The following ZNF236 variants were observed in gnomAD, a reference collection of about 807,000 sequenced individuals.
ZNF236 encodes zinc finger protein 236, also known as regulated by glucose.
In ZNF236, 50 loss-of-function variants were observed where a neutral mutation model predicts 191.2. That is an observed-to-expected ratio of 0.26 (90% confidence interval 0.21 to 0.33). ZNF236 has a LOEUF of 0.33. ZNF236 is among the 10% of genes least tolerant of loss of function. The pLI is 1.00. For synonymous variants in ZNF236, 907 were observed against 928.8 expected (o/e 0.98, Z 0.43); for missense variants, 1,754 against 2,374.5 (o/e 0.74, Z 5.43).
At chr18:76,955,788 A>G (rs923852618) in intron 27 of ZNF236, among the ~76,000 whole-genome samples, 197 bp from the exon 28 acceptor site, 1 of 152,210 alleles carries the variant, frequency 6.6e-6, no homozygotes, top group Non-Finnish European at 1.5e-5. Context: ...TCAATCTTGC[A>G]GGACACAGTG....
At chr18:76,857,331 T>TG (rs11378838) in intron 3 of ZNF236, among the ~76,000 whole-genome samples, 67,406 of 151,796 alleles carry the variant, frequency 0.44, 15,210 homozygotes, top group African/African-American at 0.53. Flanking sequence ...GCCCTCAGGG[T>TG]TCCACATTTC....
At chr18:76,921,017 C>A (rs576789772) in intron 20 of ZNF236, among the ~76,000 whole-genome samples, 1 of 152,098 alleles carries the variant, frequency 6.6e-6, no homozygotes, top group South Asian at 2.1e-4. Context: ...TAAAACAAAC[C>A]GTGAAGATTT....
intron 1 of ZNF236, among the ~76,000 whole-genome samples, chr18:76,847,032 A>T (rs1975706833): frequency 6.6e-6 from 1 of 152,118 alleles, no homozygotes; most frequent in Non-Finnish European, 1.5e-5. Flanking sequence ...ACCTCTGGTG[A>T]TCCACCCACC....
chr18:76,912,616 T>A (rs1291037351), intron 17 of ZNF236, among the ~76,000 whole-genome samples: 2 of 152,234 alleles, frequency 1.3e-5, no homozygotes, highest in African/African-American at 4.8e-5. Flanking sequence ...CAGCTTCCCG[T>A]CACTGTTTTA....
intron 3 of ZNF236, among the ~76,000 whole-genome samples, chr18:76,860,538 C>T (rs1976186160): frequency 6.6e-6 from 1 of 152,232 alleles, no homozygotes; most frequent in Non-Finnish European, 1.5e-5. Flanking sequence ...TCACTTCCCA[C>T]AGTGGTGCTC....
chr18:76,968,423 C>T lies in ZNF236; in HGVS notation c.*84C>T. On this transcript the variant is annotated 3_prime_UTR_variant, in exon 31 of 31. Coordinates refer to ENST00000320610, the MANE Select transcript of ZNF236 (RefSeq NM_001306089.2). ...AGCACTTGGAATCTCCGTTTTAAAG[C>T]TTCAAGTGTTAAAAATGCTACAATA... 1 of 1,531,770 alleles carries T rather than the reference C, an allele frequency of 6.5e-7. No homozygotes were observed. The highest frequency in any genetic ancestry group is 8.7e-7 in the Non-Finnish European group (1 of 1,154,004). The allele number at this position is 1,531,770 out of a possible 1,614,324, so 94.9% of individuals were successfully genotyped here.
At chr18:76,895,850 C>G (rs1217233979) in intron 10 of ZNF236, among the ~76,000 whole-genome samples, 2 of 147,320 alleles carry the variant, frequency 1.4e-5, no homozygotes. Context: ...AGGGACTGCA[C>G]ACAGTATCAC....
intron 4 of ZNF236, among the ~76,000 whole-genome samples, chr18:76,869,354 G>A (rs1473314125): frequency 6.6e-6 from 1 of 152,180 alleles, no homozygotes; most frequent in East Asian, 1.9e-4. Context: ...GAGGAACCAA[G>A]TAGTTCTATG....
chr18:76,902,082 C>T (rs991584124), intron 11 of ZNF236, among the ~76,000 whole-genome samples: 4 of 152,148 alleles, frequency 2.6e-5, no homozygotes, highest in Non-Finnish European at 4.4e-5. Flanking sequence ...TTGTTGGCTT[C>T]GCAGATACTT....
At chr18:76,915,933 G>A (rs948260730) in intron 19 of ZNF236, 74 bp downstream of exon 19, 25 of 1,438,814 alleles carry the variant, frequency 1.7e-5, no homozygotes, top group Middle Eastern at 1.8e-4. Context: ...ACAAATCACC[G>A]TGAGTATTTT....
chr18:76,922,271 G>C (rs1182077565), intron 20 of ZNF236, among the ~76,000 whole-genome samples: 1 of 152,162 alleles, frequency 6.6e-6, no homozygotes, highest in Non-Finnish European at 1.5e-5. Flanking sequence ...GGCTCAGTGA[G>C]GGTAGAGTCT....
chr18:76,840,627 T>G (rs1975456326), intron 1 of ZNF236, among the ~76,000 whole-genome samples: 1 of 146,078 alleles, frequency 6.8e-6, no homozygotes, highest in Non-Finnish European at 1.5e-5. Flanking sequence ...GGTGAATTTT[T>G]TTTTTTTTTT....
intron 1 of ZNF236, among the ~76,000 whole-genome samples, chr18:76,832,724 T>C (rs911734390): frequency 3.3e-5 from 5 of 152,172 alleles, no homozygotes; most frequent in African/African-American, 1.2e-4. Context: ...CTTTTCAATT[T>C]CATGTAGATT....
At position 76,972,273 on chromosome 18, in the gene ZNF236, T is replaced by C. The variant is rs1968917539; in HGVS notation, c.*3934T>C. Among the ~76,000 whole-genome samples, 1 of 152,280 alleles carries C rather than the reference T, an allele frequency of 6.6e-6. No homozygotes were observed. The highest frequency in any genetic ancestry group is 2.4e-5 in the African/African-American group (1 of 41,484). Reference sequence around the variant, plus strand: ...GGAGAAAGTGGGAACCACAGAGCTTTTCGTGGGCCAGATGCCCACATATTC... The same window carrying C: ...GGAGAAAGTGGGAACCACAGAGCTTCTCGTGGGCCAGATGCCCACATATTC... On this transcript the variant is annotated 3_prime_UTR_variant, in exon 31 of 31. Transcript: ENST00000320610.
intron 25 of ZNF236, among the ~76,000 whole-genome samples, chr18:76,931,682 T>C (rs1237567178): frequency 6.6e-6 from 1 of 152,220 alleles, no homozygotes; most frequent in African/African-American, 2.4e-5. Flanking sequence ...CATAGAATTT[T>C]ATGAAAAATA....
chr18:76,858,179 TA>T (rs1198245301), intron 3 of ZNF236, among the ~76,000 whole-genome samples: 5 of 151,836 alleles, frequency 3.3e-5, no homozygotes, highest in South Asian at 2.1e-4. Context: ...GCGCAGTTTT[TA>T]AAAAAAAATC....
chr18:76,926,663 CTGTG>C (rs1300778796), intron 22 of ZNF236, among the ~76,000 whole-genome samples: 1 of 45,108 alleles, frequency 2.2e-5, no homozygotes, highest in Non-Finnish European at 4.8e-5. Context: ...GGTGATTAGA[CTGTG>C]TGTGTATATA....
intron 18 of ZNF236, 120 bp from the exon 19 acceptor site, chr18:76,915,527 A>G (rs1328645504): frequency 1.1e-6 from 1 of 894,742 alleles, no homozygotes; most frequent in Non-Finnish European, 1.7e-6. Context: ...AAAGTCTGTT[A>G]AGCCTCAGGA....
chr18:76,848,386 A>G (rs1385826436), intron 1 of ZNF236, among the ~76,000 whole-genome samples: 2 of 152,232 alleles, frequency 1.3e-5, no homozygotes, highest in African/African-American at 4.8e-5. Flanking sequence ...ATAGCAAAGT[A>G]TATTACGTAT....
Sources: gnomAD v4.1 joint callset for allele counts (sites outside exome capture counted in the v4.1 genomes callset) on GRCh38, gnomAD v4.1.1 for gene constraint, MANE v1.5 for transcripts, NCBI Gene and HGNC (gene_info 2026-07-23, HGNC 2026-07-21) for gene names.